The following KCNIP4 variants were observed in gnomAD, a reference collection of about 807,000 sequenced individuals.
KCNIP4 encodes the protein potassium voltage-gated channel interacting protein 4.
In KCNIP4, 12 loss-of-function variants were observed where a neutral mutation model predicts 34.0. The observed-to-expected ratio is 0.35, with a 90% CI of 0.23 to 0.57. KCNIP4 has a LOEUF of 0.57. KCNIP4 is among the 20% of genes least tolerant of loss of function. The pLI is 0.83. For missense variants in KCNIP4, 238 were observed against 311.7 expected, an observed-to-expected ratio of 0.76 and a Z score of 1.78; for synonymous variants, 124 against 102.2, an observed-to-expected ratio of 1.21 and a Z score of -1.29.
chr4:21,526,055 A>C (rs1422324122), intron 1 of KCNIP4, among the ~76,000 whole-genome samples: 1 of 152,172 alleles, frequency 6.6e-6, no homozygotes, highest in Non-Finnish European at 1.5e-5. Context: ...AATGGATGCC[A>C]TCATATGATG....
intron 1 of KCNIP4, among the ~76,000 whole-genome samples, chr4:21,184,196 T>C (rs1755045770): frequency 6.6e-6 from 1 of 152,060 alleles, no homozygotes; most frequent in Non-Finnish European, 1.5e-5. Context: ...GGGATAAAAA[T>C]AGTACCTGCC....
At chr4:21,038,573 C>T (rs1165042237) in intron 1 of KCNIP4, among the ~76,000 whole-genome samples, 1 of 152,118 alleles carries the variant, frequency 6.6e-6, no homozygotes, top group Non-Finnish European at 1.5e-5. Flanking sequence ...AATCCCTTCA[C>T]TAACATCCAG....
intron 2 of KCNIP4, among the ~76,000 whole-genome samples, chr4:20,860,162 G>A (rs1025254284): frequency 6.7e-6 from 1 of 150,000 alleles, no homozygotes; most frequent in African/African-American, 2.5e-5. Context: ...TTTTTGAGAT[G>A]GAGTCTCGCT....
At chr4:21,528,539 C>T (rs1049025732) in intron 1 of KCNIP4, among the ~76,000 whole-genome samples, 12 of 151,272 alleles carry the variant, frequency 7.9e-5, no homozygotes, top group Non-Finnish European at 1.5e-4. Flanking sequence ...TGGTGGCGGG[C>T]GCCTATAGTC....
intron 1 of KCNIP4, among the ~76,000 whole-genome samples, chr4:21,641,121 C>T (rs1746584745): frequency 1.3e-5 from 2 of 152,234 alleles, no homozygotes; most frequent in African/African-American, 2.4e-5. Flanking sequence ...AACAGCATTC[C>T]TTCATCAAAC....
At chr4:21,648,095 G>A (rs1747169847) in intron 1 of KCNIP4, among the ~76,000 whole-genome samples, 1 of 151,534 alleles carries the variant, frequency 6.6e-6, no homozygotes, top group Non-Finnish European at 1.5e-5. Context: ...GGATGGTCTC[G>A]ATCTCCTGAC....
Position 21,184,447 on chromosome 4 carries a change from G to A in KCNIP4, c.62-301738C>T, listed in dbSNP as rs1755065987. Among the ~76,000 whole-genome samples the A allele has an allele frequency of 2.0e-5, 3 of 152,110 alleles. 1 individual carries two copies. Among genetic ancestry groups the A allele is most frequent in the African/African-American group, 7.2e-5 (3 of 41,420 alleles). ...GTTTTATAGGAGATTGCCTAGAGGA[G>A]GAGAAGAAATTTTCAGGGGACTAGA... On this transcript the variant is annotated intron_variant, in intron 1 of 8. Transcript: ENST00000382152.
At chr4:21,550,451 T>C (rs1738486103) in intron 1 of KCNIP4, among the ~76,000 whole-genome samples, 1 of 152,142 alleles carries the variant, frequency 6.6e-6, no homozygotes, top group African/African-American at 2.4e-5. Flanking sequence ...GCTAAATTCA[T>C]AGCCTCATCG....
chr4:21,450,284 A>C (rs761134750), intron 1 of KCNIP4, among the ~76,000 whole-genome samples: 1 of 152,174 alleles, frequency 6.6e-6, no homozygotes, highest in Non-Finnish European at 1.5e-5. Flanking sequence ...TAAAAAAATA[A>C]GTATTTGTGA....
intron 1 of KCNIP4, among the ~76,000 whole-genome samples, chr4:21,172,477 T>C (rs1320745552): frequency 6.6e-6 from 1 of 152,182 alleles, no homozygotes; most frequent in Non-Finnish European, 1.5e-5. Flanking sequence ...AGAGATGGGA[T>C]TGAAATGAAA....
At chr4:21,932,495 T>G (rs1473873612) in intron 1 of KCNIP4, among the ~76,000 whole-genome samples, 4 of 152,108 alleles carry the variant, frequency 2.6e-5, no homozygotes, top group Non-Finnish European at 5.9e-5. Context: ...AATTGCACAT[T>G]GCTGATAGTT....
At chr4:20,962,233 T>C (rs1183594778) in intron 1 of KCNIP4, among the ~76,000 whole-genome samples, 1 of 152,158 alleles carries the variant, frequency 6.6e-6, no homozygotes, top group Non-Finnish European at 1.5e-5. Flanking sequence ...CCCTACACCG[T>C]GAACTGGGGA....
chr4:21,552,004 T>G (rs1738620213), intron 1 of KCNIP4, among the ~76,000 whole-genome samples: 1 of 150,282 alleles, frequency 6.7e-6, no homozygotes, highest in Non-Finnish European at 1.5e-5. Context: ...TCTAGGTTAT[T>G]GTGAAGATTG....
chr4:20,873,864 C>T (rs1723733002), intron 2 of KCNIP4, among the ~76,000 whole-genome samples: 1 of 151,824 alleles, frequency 6.6e-6, no homozygotes, highest in African/African-American at 2.4e-5. Flanking sequence ...ACTTCTTGCC[C>T]CTCCTGACTG....
At chr4:20,861,670 C>T (rs1029839786) in intron 2 of KCNIP4, among the ~76,000 whole-genome samples, 2 of 152,088 alleles carry the variant, frequency 1.3e-5, no homozygotes, top group African/African-American at 4.8e-5. Context: ...TTAGTTTGAA[C>T]ATCTTCTGTT....
chr4:21,093,781 C>T (rs1444189283), intron 1 of KCNIP4, among the ~76,000 whole-genome samples: 1 of 151,910 alleles, frequency 6.6e-6, no homozygotes, highest in Non-Finnish European at 1.5e-5. Context: ...GATATTACAA[C>T]AATTAAAAGA....
chr4:21,547,974 T>A (rs1253693301), intron 1 of KCNIP4, among the ~76,000 whole-genome samples: 1 of 152,122 alleles, frequency 6.6e-6, no homozygotes, highest in Non-Finnish European at 1.5e-5. Flanking sequence ...ATGTGGACAA[T>A]CTGTGGTTGT....
At chr4:21,040,954 T>TAAA (rs11399453) in intron 1 of KCNIP4, among the ~76,000 whole-genome samples, 5 of 143,044 alleles carry the variant, frequency 3.5e-5, no homozygotes, top group East Asian at 2.0e-4. Context: ...TGAAACAGAG[T>TAAA]AAAAAAAAAA....
intron 1 of KCNIP4, among the ~76,000 whole-genome samples, chr4:21,447,307 A>G (rs1344913894): frequency 2.0e-5 from 3 of 152,134 alleles, no homozygotes; most frequent in Non-Finnish European, 4.4e-5. Flanking sequence ...CCACCCAGAA[A>G]CTAGAAAAGG....
Sources: gnomAD v4.1 joint callset for allele counts (sites outside exome capture counted in the v4.1 genomes callset) on GRCh38, gnomAD v4.1.1 for gene constraint, MANE v1.5 for transcripts, NCBI Gene and HGNC (gene_info 2026-07-23, HGNC 2026-07-21) for gene names.